Variants in CPVL observed in about 807,000 individuals in gnomAD.
The protein encoded by CPVL is carboxypeptidase vitellogenic like.
A neutral mutation model predicts 63.7 loss-of-function variants in CPVL; 51 were observed. The ratio of observed to expected loss-of-function variants is 0.80; its 90% CI spans 0.64 to 1.01. CPVL has a LOEUF of 1.01. Ranked by LOEUF, CPVL falls within the 50% of genes least tolerant of loss-of-function variation. The pLI is 0.00. For synonymous variants in CPVL, 195 were observed against 206.0 expected (o/e 0.95, Z 0.46); for missense variants, 530 against 573.1 (o/e 0.92, Z 0.77).
chr7:29,099,021 C>T (rs1253632908), intron 3 of CPVL, among the ~76,000 whole-genome samples: 2 of 151,968 alleles, frequency 1.3e-5, no homozygotes, highest in East Asian at 1.9e-4. Context: ...GCCAAGATTG[C>T]GCCATTGCAC....
chr7:29,077,938 C>T (rs541220356), intron 7 of CPVL, among the ~76,000 whole-genome samples: 30 of 152,300 alleles, frequency 2.0e-4, no homozygotes, highest in African/African-American at 6.3e-4. Context: ...AATCTTACTT[C>T]CTCAGTACCA....
At chr7:29,159,156 G>A (rs1794832367) in intron 5 of CPVL, among the ~76,000 whole-genome samples, 1 of 152,156 alleles carries the variant, frequency 6.6e-6, no homozygotes, top group African/African-American at 2.4e-5. Context: ...AAAGCATTGT[G>A]CAGACTCCTG....
chr7:29,072,976 A>G (rs765511236), intron 7 of CPVL, among the ~76,000 whole-genome samples: 12 of 152,186 alleles, frequency 7.9e-5, no homozygotes, highest in Non-Finnish European at 1.6e-4. Flanking sequence ...TATTTTGTAG[A>G]TATATTTCCC....
chr7:29,000,713 A>T (rs1023648031), intron 12 of CPVL, among the ~76,000 whole-genome samples: 8 of 152,168 alleles, frequency 5.3e-5, no homozygotes, highest in African/African-American at 1.9e-4. Context: ...AAATACACTT[A>T]ACATAAAATT....
At chr7:29,053,365 T>C (rs915279582) in intron 11 of CPVL, among the ~76,000 whole-genome samples, 6 of 152,166 alleles carry the variant, frequency 3.9e-5, no homozygotes, top group South Asian at 2.1e-4. Flanking sequence ...AATAGATGAA[T>C]GGATGAATAG....
At chr7:29,004,391 C>T (rs1326403564) in intron 12 of CPVL, among the ~76,000 whole-genome samples, 4 of 149,804 alleles carry the variant, frequency 2.7e-5, no homozygotes, top group Non-Finnish European at 4.5e-5. Flanking sequence ...ATCAGTTAGA[C>T]GTGCTTTGAA....
At chr7:29,146,547 G>A, upstream of CPVL, 1 of 1,525,884 alleles carries the variant, frequency 6.6e-7, no homozygotes, top group South Asian at 1.3e-5. Context: ...CGAGGACCCT[G>A]CAGAACTCGA....
intron 1 of CPVL, among the ~76,000 whole-genome samples, 169 bp from the exon 2 acceptor site, chr7:29,121,240 C>T (rs915201014): frequency 3.9e-5 from 6 of 152,096 alleles, no homozygotes; most frequent in African/African-American, 1.4e-4. Flanking sequence ...CCTGCTTACT[C>T]TTAAATTCAA....
At chr7:29,137,316 T>C (rs957403296) in intron 1 of CPVL, among the ~76,000 whole-genome samples, 2 of 152,178 alleles carry the variant, frequency 1.3e-5, no homozygotes, top group Non-Finnish European at 2.9e-5. Flanking sequence ...CACCAGATTT[T>C]ATAGACAGGC....
Position 29,155,802 on chromosome 7 carries a change from A to AT in CPVL, c.-11+25487dup, listed in dbSNP as rs1165223298. Among the ~76,000 whole-genome samples the AT allele has an allele frequency of 2.1e-4, 31 of 150,464 alleles. No individual in the cohort carries two copies. In the South Asian group the frequency reaches 2.5e-3, roughly 12 times the overall value. On this transcript the variant is annotated intron_variant, in intron 5 of 16. Transcript: ENST00000409850. ...TTGACAAATCTCATCCTTGTGATGG[A>AT]TTTTTTTTTTCTAGGCCTCAGGACA... is the stretch of plus-strand genomic sequence containing the variant.
intron 11 of CPVL, among the ~76,000 whole-genome samples, chr7:29,038,659 G>A (rs1447064217): frequency 6.6e-6 from 1 of 152,202 alleles, no homozygotes; most frequent in Non-Finnish European, 1.5e-5. Context: ...CACAGGCACA[G>A]GGTGGTTGTC....
At chr7:29,040,774 TATAA>T (rs1420502864) in intron 11 of CPVL, among the ~76,000 whole-genome samples, 2 of 152,168 alleles carry the variant, frequency 1.3e-5, no homozygotes, top group South Asian at 4.1e-4. Flanking sequence ...CCAGCGATTA[TATAA>T]ATAATGTCTT....
chr7:29,043,041 G>A (rs576681917), intron 11 of CPVL, among the ~76,000 whole-genome samples: 41 of 152,296 alleles, frequency 2.7e-4, no homozygotes, highest in Non-Finnish European at 4.7e-4. Flanking sequence ...TCTCTGAGAA[G>A]AGGACTGAGA....
intron 5 of CPVL, among the ~76,000 whole-genome samples, chr7:29,174,290 C>T (rs780172723): frequency 8.5e-5 from 13 of 152,142 alleles, no homozygotes; most frequent in Non-Finnish European, 1.2e-4. Flanking sequence ...CCAGCAATCC[C>T]GTCTTTCCAT....
intron 12 of CPVL, among the ~76,000 whole-genome samples, chr7:29,025,222 T>C (rs1002792381): frequency 1.5e-5 from 2 of 130,370 alleles, no homozygotes; most frequent in South Asian, 4.7e-4. Flanking sequence ...GGGTAATTTA[T>C]AAAGGAAAGA....
chr7:29,069,947 ATT>A (rs1783580610), intron 9 of CPVL, among the ~76,000 whole-genome samples: 2 of 152,098 alleles, frequency 1.3e-5, no homozygotes, highest in Non-Finnish European at 1.5e-5. Context: ...AGGCTTTATC[ATT>A]TTAGGCTTGA....
chr7:29,190,585 C>T (rs922495157), intron 1 of CPVL, among the ~76,000 whole-genome samples: 1 of 152,150 alleles, frequency 6.6e-6, no homozygotes, highest in African/African-American at 2.4e-5. Flanking sequence ...ATTGTAACAG[C>T]CGGTGAAGGA....
At chr7:29,008,150 T>C (rs1785391232) in intron 12 of CPVL, among the ~76,000 whole-genome samples, 1 of 151,972 alleles carries the variant, frequency 6.6e-6, no homozygotes, top group Admixed American at 6.6e-5. Context: ...GAGGAGGGAA[T>C]CCCATGTGAA....
At chr7:29,082,846 T>A (rs1416627937) in intron 7 of CPVL, among the ~76,000 whole-genome samples, 1 of 152,226 alleles carries the variant, frequency 6.6e-6, no homozygotes, top group Non-Finnish European at 1.5e-5. Context: ...ATGGTTTGTA[T>A]CAACATCAAC....
Sources: gnomAD v4.1 joint callset for allele counts (sites outside exome capture counted in the v4.1 genomes callset) on GRCh38, gnomAD v4.1.1 for gene constraint, MANE v1.5 for transcripts, NCBI Gene and HGNC (gene_info 2026-07-23, HGNC 2026-07-21) for gene names.